The following TSGA10 variants were observed in gnomAD, a reference collection of about 807,000 sequenced individuals.
TSGA10 encodes the protein testis-specific gene 10 protein.
In TSGA10, 43 loss-of-function variants were observed where a neutral mutation model predicts 96.6. The ratio of observed to expected loss-of-function variants is 0.44; its 90% confidence interval spans 0.35 to 0.57. TSGA10 has a LOEUF of 0.57. TSGA10 is among the 20% of genes least tolerant of loss of function. TSGA10 has a pLI of 0.01. For synonymous variants in TSGA10, 229 were observed against 269.9 expected (o/e 0.85, Z 1.48); for missense variants, 703 against 834.4 (o/e 0.84, Z 1.94).
At chr2:99,114,030 C>A (rs541899655) in intron 4 of TSGA10, among the ~76,000 whole-genome samples, 2 of 152,250 alleles carry the variant, frequency 1.3e-5, no homozygotes, top group South Asian at 4.1e-4. Flanking sequence ...TGAAGTAAAT[C>A]ATGGAAGAAG....
At chr2:99,127,637 GA>G (rs1235885628) in intron 1 of TSGA10, among the ~76,000 whole-genome samples, 4 of 152,280 alleles carry the variant, frequency 2.6e-5, no homozygotes, top group African/African-American at 9.6e-5. Flanking sequence ...AATTGGCAAA[GA>G]ATGTGAACAT....
intron 6 of TSGA10, 138 bp from the exon 7 acceptor site, chr2:99,109,129 A>T (rs941867365): frequency 1.2e-6 from 1 of 805,296 alleles, no homozygotes; most frequent in African/African-American, 1.7e-5. Flanking sequence ...TAAGTTTAAA[A>T]ACCACATCTT....
intron 10 of TSGA10, chr2:99,102,364 C>T: frequency 1.2e-6 from 2 of 1,612,954 alleles, no homozygotes; most frequent in South Asian, 2.2e-5. Flanking sequence ...AGTGTCCCAT[C>T]AGTTGAGCAG....
At chr2:99,014,125 A>C (rs1227378089) in intron 20 of TSGA10, among the ~76,000 whole-genome samples, 2 of 152,218 alleles carry the variant, frequency 1.3e-5, no homozygotes, top group Non-Finnish European at 2.9e-5. Context: ...ATTGCACTCC[A>C]GCCTGGGCAA....
chr2:99,079,528 C>T (rs185828974), intron 11 of TSGA10, among the ~76,000 whole-genome samples: 1 of 152,284 alleles, frequency 6.6e-6, no homozygotes, highest in East Asian at 1.9e-4. Context: ...GAGGGCACAG[C>T]AATTTATGCT....
intron 10 of TSGA10, among the ~76,000 whole-genome samples, chr2:99,101,506 G>C (rs1341201847): frequency 6.6e-6 from 1 of 151,800 alleles, no homozygotes; most frequent in Non-Finnish European, 1.5e-5. Flanking sequence ...CAGTAGGCTA[G>C]ATGAAGTAGA....
rs775514946 is a variant in TSGA10, at chr2:99,105,592, C to T, written c.316G>A (p.Asp106Asn). ...CTTCGTAAATCAGTAAAGGCTACAT[C>T]TCTTTCAGTCTCCACTCGCCGGAGA... ...AILRRVETERDVAFTDLRRMT... is the reference protein window; with the variant it reads ...AILRRVETERNVAFTDLRRMT... Residue 106 changes from aspartate to asparagine, a missense_variant, in exon 8 of 21, where the codon GAT becomes AAT. Transcript: ENST00000393483. The T allele has an allele frequency of 6.2e-7, 1 of 1,611,460 alleles. No individual in the cohort carries two copies. Among genetic ancestry groups the T allele is most frequent in the Non-Finnish European group, 8.5e-7 (1 of 1,177,736 alleles).
At chr2:99,028,752 T>C (rs1301784973) in intron 17 of TSGA10, among the ~76,000 whole-genome samples, 1 of 152,156 alleles carries the variant, frequency 6.6e-6, no homozygotes, top group Non-Finnish European at 1.5e-5. Flanking sequence ...CTGTCCATGG[T>C]TCTCTATTCA....
At chr2:99,066,485 T>C (rs1244371985) in intron 15 of TSGA10, among the ~76,000 whole-genome samples, 1 of 152,182 alleles carries the variant, frequency 6.6e-6, no homozygotes, top group East Asian at 1.9e-4. Context: ...TACAGCTTTG[T>C]GTTGCTAGGT....
chr2:99,054,737 T>C (rs1307478719), intron 16 of TSGA10, among the ~76,000 whole-genome samples: 2 of 152,176 alleles, frequency 1.3e-5, no homozygotes, highest in African/African-American at 4.8e-5. Context: ...CCAACAGGTA[T>C]GTTAAAAAAC....
rs768109528 is a variant in TSGA10 at position 99,025,327 on chromosome 2, T to C, written c.1615-4845A>G. On this transcript the variant is annotated intron_variant, in intron 17 of 20. Transcript: ENST00000393483. The stretch of plus-strand genomic sequence containing the variant: ...TTTAGGTTACAGGTTTATTCAGATT[T>C]TCTACTTTTCCTTAAGTCAGTTTTA... 4.6e-5 allele frequency among the ~76,000 whole-genome samples: 7 copies of C among 152,354 alleles called. No homozygotes were observed. In the Middle Eastern group the frequency reaches 0.014, roughly 296 times the overall value.
intron 16 of TSGA10, among the ~76,000 whole-genome samples, chr2:99,050,408 C>T (rs1290849626): frequency 6.6e-6 from 1 of 151,994 alleles, no homozygotes; most frequent in East Asian, 1.9e-4. Context: ...AAAAGCGCAA[C>T]TAGTAAGTAA....
chr2:98,999,997 C>A (rs1185284545), intron 20 of TSGA10, among the ~76,000 whole-genome samples: 3 of 152,224 alleles, frequency 2.0e-5, no homozygotes, highest in Non-Finnish European at 2.9e-5. Flanking sequence ...CTCAAGCGAT[C>A]TGTCTGCCTC....
intron 16 of TSGA10, among the ~76,000 whole-genome samples, chr2:99,047,134 T>C (rs2082866212): frequency 6.6e-6 from 1 of 152,226 alleles, no homozygotes; most frequent in African/African-American, 2.4e-5. Context: ...AGCTGAATTC[T>C]ACAAGAGGCA....
intron 13 of TSGA10, 36 bp from the exon 14 acceptor site, chr2:99,071,910 ATT>A (rs1423543182): frequency 2.6e-6 from 4 of 1,552,432 alleles, no homozygotes; most frequent in Non-Finnish European, 3.5e-6. Flanking sequence ...AAGAAGAGAC[ATT>A]TTACTGAAAC....
intron 1 of TSGA10, chr2:99,151,052 G>T (rs956221551): frequency 9.7e-6 from 4 of 412,316 alleles, no homozygotes; most frequent in African/African-American, 2.0e-5. Context: ...ATTCAAAGCA[G>T]ATTTCTCTGG....
rs572274414 is a variant in TSGA10, at chr2:99,058,015, C to G, written c.1404+6924G>C. 2.0e-5 allele frequency among the ~76,000 whole-genome samples: 3 copies of G among 152,074 alleles called. No homozygotes were observed. The East Asian group carries it at 5.8e-4, about 29-fold the overall frequency. On this transcript the variant is annotated intron_variant, in intron 16 of 20. Coordinates refer to ENST00000393483, the MANE Select transcript of TSGA10 (RefSeq NM_025244.4). ...ATGGTGGGGGGAGGGGAGAAATAGT[C>G]TTTTCAACAAATGTTACTAAGATAA... is the stretch of plus-strand genomic sequence containing the variant.
At chr2:99,086,631 G>A (rs1194460807) in intron 10 of TSGA10, among the ~76,000 whole-genome samples, 2 of 152,084 alleles carry the variant, frequency 1.3e-5, no homozygotes, top group East Asian at 1.9e-4. Context: ...TATTGCTGAC[G>A]TTACAAAGAT....
chr2:99,098,253 C>T (rs974175056), intron 10 of TSGA10, among the ~76,000 whole-genome samples: 1 of 151,284 alleles, frequency 6.6e-6, no homozygotes, highest in Non-Finnish European at 1.5e-5. Context: ...CTGGCTAACA[C>T]GATGAAACCC....
Sources: gnomAD v4.1 joint callset for allele counts (sites outside exome capture counted in the v4.1 genomes callset) on GRCh38, gnomAD v4.1.1 for gene constraint, MANE v1.5 for transcripts, NCBI Gene and HGNC (gene_info 2026-07-23, HGNC 2026-07-21) for gene names.